CADPS2: variants seen among roughly 807,000 people sequenced by gnomAD.
The protein encoded by CADPS2 is calcium-dependent secretion activator 2.
In CADPS2, 93 loss-of-function variants were observed where a neutral mutation model predicts 172.5. That is an observed-to-expected ratio of 0.54 (90% CI 0.46 to 0.64). CADPS2 has a LOEUF of 0.64. CADPS2 is among the 30% of genes least tolerant of loss of function. The probability of loss-of-function intolerance (pLI) is 0.00; values close to 1 mark genes in which losing one functional copy is unlikely to be tolerated. For missense variants in CADPS2, 1,420 were observed against 1,565.9 expected (o/e 0.91, Z 1.57); for synonymous variants, 546 against 555.2 (o/e 0.98, Z 0.23).
intron 2 of CADPS2, among the ~76,000 whole-genome samples, chr7:122,705,058 C>T (rs1242100422): frequency 6.6e-6 from 1 of 151,990 alleles, no homozygotes; most frequent in Non-Finnish European, 1.5e-5. Flanking sequence ...AAATTCTCGA[C>T]ACAAAATAAG....
At chr7:122,508,311 GT>G (rs1368540525) in intron 9 of CADPS2, among the ~76,000 whole-genome samples, 1 of 151,506 alleles carries the variant, frequency 6.6e-6, no homozygotes, top group Non-Finnish European at 1.5e-5. Flanking sequence ...TGATGGCATT[GT>G]TTTTTTCTCC....
chr7:122,594,353 G>A (rs956791422), intron 6 of CADPS2, among the ~76,000 whole-genome samples: 10 of 146,714 alleles, frequency 6.8e-5, no homozygotes, highest in Non-Finnish European at 1.3e-4. Context: ...TTGGGAAATG[G>A]GTTGGGGTGG....
intron 28 of CADPS2, among the ~76,000 whole-genome samples, chr7:122,337,416 T>A (rs1380478816): frequency 6.6e-6 from 1 of 152,234 alleles, no homozygotes; most frequent in Non-Finnish European, 1.5e-5. Context: ...GAAGCCCACA[T>A]ATTTCTTGAA....
rs535948136 is a variant in CADPS2, at chr7:122,339,099, C to T, written c.3612+6475G>A. The T allele has an allele frequency of 2.0e-5, 3 of 152,214 alleles. No individual in the cohort carries two copies. In the South Asian group the frequency reaches 6.2e-4, roughly 32 times the overall value. 9.4% of individuals were successfully genotyped at this position (152,214 alleles called of 1,614,324 possible). ...TCTATAATATCGTAGAATTATAAGA[C>T]ATGCAAGAAGGCAAAGATGGTCTTC... is the stretch of plus-strand genomic sequence containing the variant. On this transcript the variant is annotated intron_variant, in intron 28 of 29. Coordinates refer to ENST00000449022, the MANE Select transcript of CADPS2 (RefSeq NM_017954.11).
chr7:122,397,638 C>T (rs2151541267), intron 20 of CADPS2, among the ~76,000 whole-genome samples: 1 of 152,308 alleles, frequency 6.6e-6, no homozygotes, highest in Admixed American at 6.5e-5. Context: ...CATTCCACTC[C>T]TATCAGACAC....
intron 6 of CADPS2, among the ~76,000 whole-genome samples, chr7:122,595,613 T>C (rs1331052110): frequency 6.6e-6 from 1 of 152,094 alleles, no homozygotes; most frequent in African/African-American, 2.4e-5. Flanking sequence ...ACAGGGGGAA[T>C]GCCAGGATGG....
intron 6 of CADPS2, among the ~76,000 whole-genome samples, chr7:122,600,964 C>T (rs2072671248): frequency 1.3e-5 from 2 of 152,052 alleles, no homozygotes; most frequent in African/African-American, 4.8e-5. Flanking sequence ...TGACATTTAG[C>T]TACTGATTTT....
chr7:122,386,970 T>A (rs759460629), intron 24 of CADPS2, 56 bp downstream of exon 24: 3 of 1,526,146 alleles, frequency 2.0e-6, no homozygotes, highest in South Asian at 2.5e-5. Flanking sequence ...GGAAAGGGCA[T>A]TTCCCATGCC....
At position 122,622,361 on chromosome 7, in the gene CADPS2, A is replaced by G. The variant is rs188901923; in HGVS notation, c.868-644T>C. Among the ~76,000 whole-genome samples, 61 of 152,328 alleles carry G rather than the reference A, an allele frequency of 4.0e-4. 1 individual carries two copies. In the Middle Eastern group the frequency reaches 0.014, roughly 34 times the overall value. ...TTAAGTTTAAAGCAAAAGGAAATTTATGATAAAAACTATTAAGGGAAAAAT... is the reference window on the plus strand; with the variant it reads ...TTAAGTTTAAAGCAAAAGGAAATTTGTGATAAAAACTATTAAGGGAAAAAT... On this transcript the variant is annotated intron_variant, in intron 4 of 29. Transcript: ENST00000449022.
At chr7:122,476,810 G>A (rs939582425) in intron 12 of CADPS2, among the ~76,000 whole-genome samples, 10 of 152,090 alleles carry the variant, frequency 6.6e-5, no homozygotes, top group African/African-American at 2.4e-4. Context: ...AGGCTGTGAA[G>A]ACCAAACATT....
At chr7:122,539,100 G>A (rs905059308) in intron 8 of CADPS2, among the ~76,000 whole-genome samples, 4 of 152,026 alleles carry the variant, frequency 2.6e-5, no homozygotes, top group African/African-American at 9.7e-5. Context: ...CCAATACAAA[G>A]TGGATACTGC....
chr7:122,459,253 C>T (rs948623879), intron 14 of CADPS2, among the ~76,000 whole-genome samples: 2 of 151,258 alleles, frequency 1.3e-5, no homozygotes, highest in Non-Finnish European at 3.0e-5. Context: ...ATAATTAATC[C>T]AATTATCCAT....
At chr7:122,751,633 G>C (rs2092957416) in intron 1 of CADPS2, among the ~76,000 whole-genome samples, 1 of 152,088 alleles carries the variant, frequency 6.6e-6, no homozygotes, top group South Asian at 2.1e-4. Context: ...AATACACACG[G>C]CACATACAAG....
chr7:122,472,157 C>T (rs2056045684), intron 13 of CADPS2, among the ~76,000 whole-genome samples: 1 of 152,152 alleles, frequency 6.6e-6, no homozygotes, highest in African/African-American at 2.4e-5. Flanking sequence ...CACCTGAACA[C>T]AGCAGGCAGT....
At chr7:122,630,944 AATTG>A (rs1003946636) in intron 3 of CADPS2, among the ~76,000 whole-genome samples, 5 of 152,180 alleles carry the variant, frequency 3.3e-5, no homozygotes, top group African/African-American at 1.2e-4. Flanking sequence ...AAACAATTTT[AATTG>A]ATTAATATGA....
intron 19 of CADPS2, among the ~76,000 whole-genome samples, chr7:122,408,240 CAAT>C (rs990326252): frequency 5.3e-5 from 8 of 151,084 alleles, no homozygotes; most frequent in African/African-American, 1.7e-4. Context: ...TTGCTATTCT[CAAT>C]GATAGCGTAG....
At chr7:122,382,016 G>A (rs544989936) in intron 24 of CADPS2, among the ~76,000 whole-genome samples, 2 of 152,174 alleles carry the variant, frequency 1.3e-5, no homozygotes, top group Admixed American at 1.3e-4. Context: ...GGTCGTATAG[G>A]CACATGAGTG....
intron 2 of CADPS2, among the ~76,000 whole-genome samples, chr7:122,669,676 CCT>C (rs1307902190): frequency 2.0e-5 from 3 of 151,900 alleles, no homozygotes; most frequent in Admixed American, 6.6e-5. Context: ...CTACATTTCC[CCT>C]GTCCTCAGCC....
chr7:122,626,282 A>G (rs1587939120), intron 4 of CADPS2, among the ~76,000 whole-genome samples: 2 of 152,300 alleles, frequency 1.3e-5, no homozygotes, highest in Admixed American at 6.5e-5. Context: ...AGACTGGCTA[A>G]AAGGACAGAA....
Sources: gnomAD v4.1 joint callset for allele counts (sites outside exome capture counted in the v4.1 genomes callset) on GRCh38, gnomAD v4.1.1 for gene constraint, MANE v1.5 for transcripts, NCBI Gene and HGNC (gene_info 2026-07-23, HGNC 2026-07-21) for gene names.